OSCP1: variants seen among roughly 807,000 people sequenced by gnomAD.
OSCP1 encodes the protein protein OSCP1.
In OSCP1, 35 loss-of-function variants were observed where a neutral mutation model predicts 45.1. The observed-to-expected ratio is 0.78, with a 90% confidence interval of 0.59 to 1.03. The LOEUF (loss-of-function observed/expected upper bound fraction) is 1.03. OSCP1 is among the 50% of genes least tolerant of loss of function. OSCP1 has a pLI of 0.00. For missense variants in OSCP1, 400 were observed against 470.7 expected, an observed-to-expected ratio of 0.85 and a Z score of 1.39; for synonymous variants, 179 against 180.1, an observed-to-expected ratio of 0.99 and a Z score of 0.05.
chr1:36,434,331 T>A (rs1411697258), intron 2 of OSCP1, among the ~76,000 whole-genome samples: 1 of 152,256 alleles, frequency 6.6e-6, no homozygotes, highest in African/African-American at 2.4e-5. Flanking sequence ...TTCATATTGC[T>A]GGTAAGTGCA....
Position 36,418,185 on chromosome 1 carries a change from C to A in OSCP1, c.1094G>T (p.Ser365Ile), listed in dbSNP as rs151147935. ...GAGCAAATCGTCCCCTTTGCTGGTG[C>A]TCAGCCTTGGCTGCTCCGTGATCTC... ...EFEITEQPRL[S>I]TSKGDDLLAM... The change falls in exon 10 of 10, where the codon AGC becomes ATC. Residue 365 changes from serine to isoleucine, a missense_variant. Coordinates refer to ENST00000235532, the MANE Select transcript of OSCP1 (RefSeq NM_145047.5). 5 of 1,614,218 alleles carry A rather than the reference C, an allele frequency of 3.1e-6. No individual in the cohort carries two copies. In the East Asian group the frequency reaches 1.1e-4, roughly 36 times the overall value.
chr1:36,442,845 T>C (rs928954795), intron 1 of OSCP1, among the ~76,000 whole-genome samples: 1 of 152,160 alleles, frequency 6.6e-6, no homozygotes, highest in Non-Finnish European at 1.5e-5. Context: ...ATTATCCTCA[T>C]TCTATTAAGG....
At chr1:36,426,925 C>T (rs1402433681) in intron 4 of OSCP1, among the ~76,000 whole-genome samples, 3 of 151,958 alleles carry the variant, frequency 2.0e-5, no homozygotes, top group South Asian at 2.1e-4. Context: ...AGGCTGGTCT[C>T]GAACTCCTGA....
At chr1:36,428,408 C>T (rs1648127382) in intron 4 of OSCP1, 2 of 1,613,944 alleles carry the variant, frequency 1.2e-6, no homozygotes, top group African/African-American at 1.3e-5. Flanking sequence ...CATATAGTTC[C>T]CCACTCCTGG....
At chr1:36,444,147 C>T (rs934940924) in intron 1 of OSCP1, 42 of 1,275,634 alleles carry the variant, frequency 3.3e-5, no homozygotes, top group Middle Eastern at 1.9e-4. Flanking sequence ...TTACTTTTCA[C>T]GTTGGCATTT....
At chr1:36,419,099 T>C (rs1400899045) in intron 8 of OSCP1, 45 bp from the exon 9 acceptor site, 1 of 1,534,808 alleles carries the variant, frequency 6.5e-7, no homozygotes. Flanking sequence ...TAGGGTTCTT[T>C]CCCTGCCAGC....
chr1:36,444,278 G>GT (rs1201272473), intron 1 of OSCP1, among the ~76,000 whole-genome samples: 1 of 152,206 alleles, frequency 6.6e-6, no homozygotes, highest in Non-Finnish European at 1.5e-5. Flanking sequence ...TAAGAAGAGA[G>GT]TAAACTGAGG....
At position 36,439,540 on chromosome 1, in the gene OSCP1, A is replaced by T. The variant is rs890459428; in HGVS notation, c.113-630T>A. ...TAAAATAAAAATAAAAATTCCTATA[A>T]TTTTTAAAACCAAATCTAAACATTT... On this transcript the variant is annotated intron_variant, in intron 1 of 9. Transcript: ENST00000235532. Among the ~76,000 whole-genome samples, 5 of 152,276 alleles carry T rather than the reference A, an allele frequency of 3.3e-5. No individual in the cohort carries two copies. In the South Asian group the frequency reaches 1.0e-3, roughly 32 times the overall value.
intron 1 of OSCP1, chr1:36,439,148 G>GT: frequency 2.4e-6 from 1 of 408,906 alleles, no homozygotes; most frequent in Non-Finnish European, 4.3e-6. Flanking sequence ...GCACTAATGT[G>GT]TTGTGCTTCA....
chr1:36,430,679 G>A (rs1031495259), intron 4 of OSCP1, among the ~76,000 whole-genome samples: 3 of 152,194 alleles, frequency 2.0e-5, no homozygotes, highest in Non-Finnish European at 4.4e-5. Flanking sequence ...TTTTGAGACG[G>A]AGTCTCCCTC....
intron 4 of OSCP1, 57 bp from the exon 5 acceptor site, chr1:36,423,523 A>G: frequency 2.2e-6 from 3 of 1,370,472 alleles, no homozygotes; most frequent in Non-Finnish European, 3.1e-6. Flanking sequence ...AGACATCAAT[A>G]TTCTGAGGGT....
At chr1:36,423,925 G>T (rs895343537) in intron 4 of OSCP1, among the ~76,000 whole-genome samples, 1 of 150,548 alleles carries the variant, frequency 6.6e-6, no homozygotes, top group Non-Finnish European at 1.5e-5. Context: ...CACTTGCAGA[G>T]TTAACTGTAT....
intron 1 of OSCP1, among the ~76,000 whole-genome samples, chr1:36,439,700 T>C (rs986556640): frequency 6.6e-6 from 1 of 152,240 alleles, no homozygotes; most frequent in Non-Finnish European, 1.5e-5. Flanking sequence ...GACATGTACT[T>C]TGAATAGCAC....
At chr1:36,418,344 A>G (rs1647399348) in intron 9 of OSCP1, 89 bp from the exon 10 acceptor site, 3 of 1,111,588 alleles carry the variant, frequency 2.7e-6, no homozygotes, top group African/African-American at 1.5e-5. Flanking sequence ...TTTTTGTCCC[A>G]TGACTGATAT....
intron 7 of OSCP1, among the ~76,000 whole-genome samples, 194 bp from the exon 8 acceptor site, chr1:36,420,809 G>T (rs1357719091): frequency 6.6e-6 from 1 of 152,246 alleles, no homozygotes; most frequent in East Asian, 1.9e-4. Flanking sequence ...AGGGAATGTA[G>T]CAACTTTGCA....
At chr1:36,434,523 G>T (rs1156516450) in intron 2 of OSCP1, among the ~76,000 whole-genome samples, 1 of 152,136 alleles carries the variant, frequency 6.6e-6, no homozygotes, top group African/African-American at 2.4e-5. Flanking sequence ...GCCGAGGTGG[G>T]TGGATCACCT....
chr1:36,426,816 C>G (rs1270619883), intron 4 of OSCP1, among the ~76,000 whole-genome samples: 1 of 152,196 alleles, frequency 6.6e-6, no homozygotes, highest in Non-Finnish European at 1.5e-5. Flanking sequence ...AGTGATTCTC[C>G]TACCTCAGCC....
chr1:36,438,507 C>G (rs1247692086), intron 2 of OSCP1, among the ~76,000 whole-genome samples: 3 of 151,822 alleles, frequency 2.0e-5, no homozygotes, highest in Non-Finnish European at 4.4e-5. Context: ...AAAAAACACC[C>G]AAAACAAATC....
chr1:36,447,927 A>G lies in OSCP1; in HGVS notation c.112+2331T>C. Reference sequence around the variant, plus strand: ...AGTGTGCGAATGTAAATTACTAAAGATGGCCGAAACTCCCAAAACCATATT... The same window carrying G: ...AGTGTGCGAATGTAAATTACTAAAGGTGGCCGAAACTCCCAAAACCATATT... On this transcript the variant is annotated intron_variant, in intron 1 of 9. Transcript: ENST00000235532. This position sits in a 1 kb window ranked among gnomAD's most constrained non-coding sequence, Gnocchi z 4.1. The G allele has an allele frequency of 4.4e-6, 2 of 452,552 alleles. No homozygotes were observed. The highest frequency in any genetic ancestry group is 8.9e-6 in the Non-Finnish European group (2 of 224,320). 28.0% of individuals were successfully genotyped at this position (452,552 alleles called of 1,614,324 possible). A position where few individuals can be genotyped will look rare whatever the true frequency, so the allele number is the denominator to read the frequency against.
Sources: gnomAD v4.1 joint callset for allele counts (sites outside exome capture counted in the v4.1 genomes callset) on GRCh38, gnomAD v4.1.1 for gene constraint, Gnocchi (gnomAD v3.1) non-coding constraint, MANE v1.5 for transcripts, NCBI Gene and HGNC (gene_info 2026-07-23, HGNC 2026-07-21) for gene names.